PEAK3: variants seen among roughly 807,000 people sequenced by gnomAD.
PEAK3 encodes the protein protein PEAK3.
In PEAK3, 15 loss-of-function variants were observed where a neutral mutation model predicts 13.3. The ratio of observed to expected loss-of-function variants is 1.13; its 90% CI spans 0.75 to 1.73. PEAK3 has a LOEUF of 1.73. Among genes scored for constraint, PEAK3 ranks in the 40% most tolerant of loss-of-function variants. The pLI, the probability that PEAK3 is intolerant of heterozygous loss-of-function variation, is 0.00. For missense variants in PEAK3, 739 were observed against 690.2 expected (o/e 1.07, Z -0.79); for synonymous variants, 347 against 341.9 (o/e 1.01, Z -0.17).
Position 2,274,921 on chromosome 19 carries a change from G to C in PEAK3, c.*759C>G, listed in dbSNP as rs567392827. On this transcript the variant is annotated 3_prime_UTR_variant, in exon 4 of 4. Transcript: ENST00000342063. ...CGGGAGGCGGAGCTTGCAGTAAGCC[G>C]AGATCGTCTCAAAAAAAAAAAAAAA... 3 of 111,916 alleles carry C rather than the reference G, an allele frequency of 2.7e-5. No homozygotes were observed. The highest frequency in any genetic ancestry group is 9.7e-5 in the African/African-American group (3 of 30,864). The allele number at this position is 111,916 out of a possible 1,614,324, so 6.9% of individuals were successfully genotyped here. A position where few individuals can be genotyped will look rare whatever the true frequency, so the allele number is the denominator to read the frequency against.
Position 2,276,210 on chromosome 19 carries a change from A to T in PEAK3, c.892T>A (p.Trp298Arg). ...LSAALKFLEA[W>R]GAALVELRPE... ...CGCAACTCGACTAGGGCCGCGCCCC[A>T]CGCCTCCAGGAACTTCAGGGCCGCG... Residue 298 changes from tryptophan to arginine, a missense_variant, in exon 4 of 4, where the codon TGG becomes AGG. Transcript: ENST00000342063. 1 of 1,568,324 alleles carries T rather than the reference A, an allele frequency of 6.4e-7. No individual in the cohort carries two copies. Among genetic ancestry groups the T allele is most frequent in the Middle Eastern group, 1.7e-4 (1 of 6,022 alleles).
Position 2,276,406 on chromosome 19 carries a change from C to A in PEAK3, c.696G>T (p.Gly232=), listed in dbSNP as rs537115116. Residue 232 remains glycine (G), a synonymous_variant, in exon 4 of 4, where the codon GGG becomes GGT. Coordinates refer to ENST00000342063, the MANE Select transcript of PEAK3 (RefSeq NM_198532.3). ...ASLSPHFNLQ[G]LCGLVPEGTL... Reference sequence around the variant, plus strand: ...TGCCTTCAGGCACCAGGCCACACAGCCCCTGCAGATTGAAGTGTGGAGACA... The same window carrying A: ...TGCCTTCAGGCACCAGGCCACACAGACCCTGCAGATTGAAGTGTGGAGACA... 7 of 1,599,044 alleles carry A rather than the reference C, an allele frequency of 4.4e-6. No individual in the cohort carries two copies. The East Asian group carries it at 1.3e-4, about 31-fold the overall frequency.
intron 2 of PEAK3, among the ~76,000 whole-genome samples, 154 bp from the exon 3 acceptor site, chr19:2,279,267 G>T (rs953904037): frequency 6.6e-6 from 1 of 152,040 alleles, no homozygotes; most frequent in Non-Finnish European, 1.5e-5. Context: ...CACTTAGGAA[G>T]GTGGAAGCCG....
rs762636661 is a variant in PEAK3 at position 2,275,722 on chromosome 19, G to C, written c.1380C>G (p.Thr460=). 4 of 1,551,270 alleles carry C rather than the reference G, an allele frequency of 2.6e-6. No homozygotes were observed. The highest frequency in any genetic ancestry group is 2.5e-5 in the East Asian group (1 of 39,922). ...WLCCEYLAEA[T]ESSMGQALAL... Reference sequence around the variant, plus strand: ...CCAGGGCCTGGCCCATCGAGGACTCGGTGGCCTCGGCCAGGTATTCGCAAC... The same window carrying C: ...CCAGGGCCTGGCCCATCGAGGACTCCGTGGCCTCGGCCAGGTATTCGCAAC... The change falls in exon 4 of 4, where the codon ACC becomes ACG. Residue 460 remains threonine, a synonymous_variant. Coordinates refer to ENST00000342063, the MANE Select transcript of PEAK3 (RefSeq NM_198532.3).
At chr19:2,279,956 G>A (rs902581163) in intron 2 of PEAK3, among the ~76,000 whole-genome samples, 1 of 148,486 alleles carries the variant, frequency 6.7e-6, no homozygotes, top group African/African-American at 2.5e-5. Flanking sequence ...GTTTCACCAT[G>A]TTAGCCAGGC....
intron 3 of PEAK3, among the ~76,000 whole-genome samples, chr19:2,277,989 A>G (rs11667219): frequency 0.62 from 93,615 of 149,830 alleles, 30,692 homozygotes; most frequent in Middle Eastern, 0.82. Flanking sequence ...TCAGCCTCCC[A>G]AATAGCTGGG....
rs1284342608 is a variant in PEAK3 at position 2,275,195 on chromosome 19, A to G, written c.*485T>C. 1 of 152,526 alleles carries G rather than the reference A, an allele frequency of 6.6e-6. No individual in the cohort carries two copies. The highest frequency in any genetic ancestry group is 1.5e-5 in the Non-Finnish European group (1 of 68,228). The allele number at this position is 152,526 out of a possible 1,614,324, so 9.4% of individuals were successfully genotyped here. A position where few individuals can be genotyped will look rare whatever the true frequency, so the allele number is the denominator to read the frequency against. ...GCCTTCCCTTCCCGTGACACCACCA[A>G]GCAATTCTCCACCAGGGACAGGGGC... On this transcript the variant is annotated 3_prime_UTR_variant, in exon 4 of 4. Coordinates refer to ENST00000342063, the MANE Select transcript of PEAK3 (RefSeq NM_198532.3).
In PEAK3 at chr19:2,276,293, C is replaced by G; in HGVS notation, c.809G>C (p.Cys270Ser). Residue 270 changes from cysteine (C) to serine (S), a missense_variant, in exon 4 of 4, where the codon TGC (cysteine) becomes TCC (serine). Transcript: ENST00000342063. ...RTVAQWLAEA[C>S]TQPPEEFVWA... ...CACGAACTCCTCCGGCGGCTGCGTGCAGGCCTCCGCCAGCCACTGCGCCAC... is the reference window on the plus strand; with the variant it reads ...CACGAACTCCTCCGGCGGCTGCGTGGAGGCCTCCGCCAGCCACTGCGCCAC... 6.3e-7 allele frequency: 1 copy of G among 1,591,766 alleles called. No individual in the cohort carries two copies. The highest frequency in any genetic ancestry group is 8.5e-7 in the Non-Finnish European group (1 of 1,176,248).
At chr19:2,276,636 CAGG>C in intron 3 of PEAK3, 147 bp from the exon 4 acceptor site, 2 of 640,546 alleles carry the variant, frequency 3.1e-6, no homozygotes, top group South Asian at 4.4e-5. Flanking sequence ...CCTCCAGCAG[CAGG>C]AGGTCAGTGT....
At chr19:2,276,796 C>G (rs1451503883) in intron 3 of PEAK3, among the ~76,000 whole-genome samples, 1 of 152,076 alleles carries the variant, frequency 6.6e-6, no homozygotes, top group African/African-American at 2.4e-5. Flanking sequence ...AGGGGGATCG[C>G]TGAGGTCAGG....
At position 2,274,952 on chromosome 19, in the gene PEAK3, AAG is replaced by A. The variant is rs1491469911; in HGVS notation, c.*726_*727del. On this transcript the variant is annotated 3_prime_UTR_variant, in exon 4 of 4. Coordinates refer to ENST00000342063, the MANE Select transcript of PEAK3 (RefSeq NM_198532.3). ...GTCTCAAAAAAAAAAAAAAAAAAAA[AAG>A]AAAAAGAAAGTGGAACTGGAACAGT... The A allele has an allele frequency of 3.6e-4, 48 of 132,116 alleles. 1 individual carries two copies. The highest frequency in any genetic ancestry group is 1.2e-3 in the African/African-American group (45 of 39,002). The allele number at this position is 132,116 out of a possible 1,614,324, so 8.2% of individuals were successfully genotyped here. A position where few individuals can be genotyped will look rare whatever the true frequency, so the allele number is the denominator to read the frequency against.
chr19:2,276,391 C>T lies in PEAK3; in HGVS notation c.711G>A (p.Val237=). 1 of 1,599,838 alleles carries T rather than the reference C, an allele frequency of 6.3e-7. No individual in the cohort carries two copies. Among genetic ancestry groups the T allele is most frequent in the Non-Finnish European group, 8.5e-7 (1 of 1,178,642 alleles). The change falls in exon 4 of 4, where the codon GTG becomes GTA. Residue 237 remains valine, a synonymous_variant. Coordinates refer to ENST00000342063, the MANE Select transcript of PEAK3 (RefSeq NM_198532.3). ...GCGCCCCGGGCAGTGTGCCTTCAGG[C>T]ACCAGGCCACACAGCCCCTGCAGAT... ...HFNLQGLCGL[V]PEGTLPGAPW...
Position 2,275,617 on chromosome 19 carries a change from ACCT to A in PEAK3, c.*60_*62del. ...TGTCTTGGCTATCATGGAGACGCTG[ACCT>A]CAGCCCCAGCCCTGCCTCCTGGGCA... is the stretch of plus-strand genomic sequence containing the variant. On this transcript the variant is annotated 3_prime_UTR_variant, in exon 4 of 4. Transcript: ENST00000342063. 1 of 1,318,158 alleles carries A rather than the reference ACCT, an allele frequency of 7.6e-7. No homozygotes were observed. The highest frequency in any genetic ancestry group is 9.8e-7 in the Non-Finnish European group (1 of 1,021,182). 81.7% of individuals were successfully genotyped at this position (1,318,158 alleles called of 1,614,324 possible).
At chr19:2,277,471 A>G (rs926994302) in intron 3 of PEAK3, among the ~76,000 whole-genome samples, 3 of 152,144 alleles carry the variant, frequency 2.0e-5, no homozygotes, top group Non-Finnish European at 4.4e-5. Flanking sequence ...AGCAGAAGCC[A>G]CCAGAACCAT....
chr19:2,278,134 A>T (rs1599158220), intron 3 of PEAK3, among the ~76,000 whole-genome samples: 1 of 146,496 alleles, frequency 6.8e-6, no homozygotes, highest in African/African-American at 2.5e-5. Flanking sequence ...AAGTGCTGGG[A>T]TTACAGGTGT....
chr19:2,276,355 G>A lies in PEAK3; in HGVS notation c.747C>T (p.Gly249=), dbSNP rs755372819. 77 of 1,599,606 alleles carry A rather than the reference G, an allele frequency of 4.8e-5. No homozygotes were observed. Among genetic ancestry groups the A allele is most frequent in the Non-Finnish European group, 6.5e-5 (77 of 1,178,846 alleles). ...GAACCTCGGCTGCCAGCGCCACTGC[G>A]CCTCTCCAGGGCGCCCCGGGCAGTG... The part of the protein sequence containing the change: ...EGTLPGAPWR[G]AVALAAEVPE... The change falls in exon 4 of 4, where the codon GGC becomes GGT. Residue 249 remains glycine (G), a synonymous_variant. Coordinates refer to ENST00000342063, the MANE Select transcript of PEAK3 (RefSeq NM_198532.3).
At position 2,278,971 on chromosome 19, in the gene PEAK3, G is replaced by C; in HGVS notation, c.225C>G (p.Thr75=). The change falls in exon 3 of 4, where the codon ACC becomes ACG. Residue 75 remains threonine (T), a synonymous_variant. Coordinates refer to ENST00000342063, the MANE Select transcript of PEAK3 (RefSeq NM_198532.3). ...TRTQSLPTRR[T]LHPSSIQVQP... Reference sequence around the variant, plus strand: ...GTACTTGGATGGAGCTGGGATGGAGGGTCCTGCGGGTGGGCAGTGACTGGG... The same window carrying C: ...GTACTTGGATGGAGCTGGGATGGAGCGTCCTGCGGGTGGGCAGTGACTGGG... 1 of 1,598,784 alleles carries C rather than the reference G, an allele frequency of 6.3e-7. No homozygotes were observed. The highest frequency in any genetic ancestry group is 8.6e-7 in the Non-Finnish European group (1 of 1,169,320).
Position 2,275,877 on chromosome 19 carries a change from G to A in PEAK3, c.1225C>T (p.Arg409Cys). The change falls in exon 4 of 4, where the codon CGC becomes TGC. Residue 409 changes from arginine (R) to cysteine (C), a missense_variant. By Grantham distance (180) the Arg-to-Cys change is radical. Coordinates refer to ENST00000342063, the MANE Select transcript of PEAK3 (RefSeq NM_198532.3). ...AGCCAGGGACCAAGCGGTGCTCCGC[G>A]GCCGCGCAGCTCAGGCCCGGGCCCC... The part of the protein sequence containing the change: ...LWGPGPELRG[R>C]GAPLGPWLRA... 4.9e-6 allele frequency: 7 copies of A among 1,438,120 alleles called. No individual in the cohort carries two copies. The highest frequency in any genetic ancestry group is 6.3e-6 in the Non-Finnish European group (7 of 1,103,080). The allele number at this position is 1,438,120 out of a possible 1,614,324, so 89.1% of individuals were successfully genotyped here.
In PEAK3 at chr19:2,278,777, G is replaced by T. The variant is rs751637672; in HGVS notation, c.419C>A (p.Ala140Glu). Residue 140 changes from alanine to glutamate, a missense_variant, in exon 3 of 4, where the codon GCG becomes GAG. Coordinates refer to ENST00000342063, the MANE Select transcript of PEAK3 (RefSeq NM_198532.3). ...GGTACGGAGGCCCTGCAGCTGCCGC[G>T]CAGCCAGTGCAGTGTGCACAGCCTC... ...SPEAVHTALAARQLQGLRTIY... is the reference protein window; with the variant it reads ...SPEAVHTALAERQLQGLRTIY... 3.2e-6 allele frequency: 5 copies of T among 1,564,168 alleles called. No individual in the cohort carries two copies. Among genetic ancestry groups the T allele is most frequent in the Non-Finnish European group, 4.3e-6 (5 of 1,152,020 alleles).
Sources: allele counts gnomAD v4.1 joint callset (sites outside exome capture counted in the v4.1 genomes callset), GRCh38; gene constraint gnomAD v4.1.1; transcripts MANE v1.5; gene names NCBI Gene and HGNC (gene_info 2026-07-23, HGNC 2026-07-21).